RELCH: variants seen among roughly 807,000 people sequenced by gnomAD.
The protein encoded by RELCH is RAB11-binding protein RELCH.
In RELCH, 41 loss-of-function variants were observed where a neutral mutation model predicts 150.3. That is an observed-to-expected ratio of 0.27 (90% CI 0.21 to 0.35). The LOEUF is 0.35. Among genes scored for constraint, RELCH ranks in the 10% least tolerant of loss-of-function variants. RELCH has a pLI of 1.00. For missense variants in RELCH, 1,092 were observed against 1,467.8 expected, an observed-to-expected ratio of 0.74 and a Z score of 4.18; for synonymous variants, 478 against 531.8, an observed-to-expected ratio of 0.90 and a Z score of 1.39.
intron 5 of RELCH, among the ~76,000 whole-genome samples, chr18:62,224,425 G>C (rs1044754175): frequency 6.6e-6 from 1 of 152,024 alleles, no homozygotes; most frequent in South Asian, 2.1e-4. Context: ...TCTAGCTAGT[G>C]CAATAAGGCA....
chr18:62,220,600 T>C (rs916534173), intron 2 of RELCH, among the ~76,000 whole-genome samples: 4 of 152,086 alleles, frequency 2.6e-5, no homozygotes, highest in Non-Finnish European at 5.9e-5. Flanking sequence ...ATCCTAAGTT[T>C]TTCTTTTTAA....
chr18:62,188,771 G>C (rs569636824), intron 1 of RELCH, among the ~76,000 whole-genome samples: 7 of 152,110 alleles, frequency 4.6e-5, no homozygotes, highest in Admixed American at 4.6e-4. Context: ...TAGAGTAATC[G>C]TTTACCCCAT....
Position 62,187,473 on chromosome 18 carries a change from T to C in RELCH, c.-33T>C. On this transcript the variant is annotated 5_prime_UTR_variant, in exon 1 of 29. Coordinates refer to ENST00000644646, the MANE Select transcript of RELCH (RefSeq NM_001346231.2). The stretch of plus-strand genomic sequence containing the variant: ...TCGGGCTGCGGCCCGTCGGAACCAG[T>C]CAGGGAGGCGCCCACACTCCTGACA... 6.7e-7 allele frequency: 1 copy of C among 1,494,062 alleles called. No individual in the cohort carries two copies. The highest frequency in any genetic ancestry group is 1.4e-5 in the South Asian group (1 of 69,902). The allele number at this position is 1,494,062 out of a possible 1,614,324, so 92.6% of individuals were successfully genotyped here.
intron 1 of RELCH, among the ~76,000 whole-genome samples, chr18:62,189,849 T>A (rs2038490320): frequency 1.3e-5 from 2 of 152,310 alleles, no homozygotes; most frequent in South Asian, 4.1e-4. Context: ...ATAACTAGAG[T>A]CTTATGATCA....
chr18:62,197,316 T>C (rs2039115599), intron 1 of RELCH, among the ~76,000 whole-genome samples: 1 of 152,226 alleles, frequency 6.6e-6, no homozygotes. Context: ...AATTATGCTT[T>C]CTACTTTTCA....
In RELCH at chr18:62,297,475, TA is replaced by T. The variant is rs199533473; in HGVS notation, c.3460-1306del. ...GGAAACAGAGACAATGCAAGGAGGA[TA>T]AAAAAAAATACAAAAAATTCCCCTT... On this transcript the variant is annotated intron_variant, in intron 27 of 28. Transcript: ENST00000644646. Among the ~76,000 whole-genome samples the T allele has an allele frequency of 8.7e-4, 131 of 149,782 alleles. 1 individual carries two copies. The highest frequency in any genetic ancestry group is 2.6e-3 in the African/African-American group (108 of 40,824).
At chr18:62,219,323 T>C (rs2040687796) in intron 2 of RELCH, among the ~76,000 whole-genome samples, 2 of 111,010 alleles carry the variant, frequency 1.8e-5, no homozygotes, top group South Asian at 7.4e-4. Context: ...TTTTCTTTTT[T>C]TCTTTTTTTT....
At chr18:62,193,809 G>T (rs1465340617) in intron 1 of RELCH, among the ~76,000 whole-genome samples, 1 of 152,060 alleles carries the variant, frequency 6.6e-6, no homozygotes, top group Non-Finnish European at 1.5e-5. Context: ...ATCAGGGATA[G>T]TATTTTGCCC....
At chr18:62,197,244 A>G (rs1211348187) in intron 1 of RELCH, among the ~76,000 whole-genome samples, 2 of 152,186 alleles carry the variant, frequency 1.3e-5, no homozygotes, top group African/African-American at 4.8e-5. Context: ...GTGGTACTCT[A>G]CAAGGAAGCA....
At position 62,290,462 on chromosome 18, in the gene RELCH, C is replaced by T. The variant is rs532564956; in HGVS notation, c.3371-1081C>T. Among the ~76,000 whole-genome samples, 329 of 152,126 alleles carry T rather than the reference C, an allele frequency of 2.2e-3. 1 individual carries two copies. Among genetic ancestry groups the T allele is most frequent in the Middle Eastern group, 3.4e-3 (1 of 294 alleles). On this transcript the variant is annotated intron_variant, in intron 26 of 28. Coordinates refer to ENST00000644646, the MANE Select transcript of RELCH (RefSeq NM_001346231.2). ...AGGAGAATCACTTGAACCCAGGAGG[C>T]GGAGGTTGCAGTGAGCCAAGATTGT...
intron 16 of RELCH, among the ~76,000 whole-genome samples, chr18:62,263,026 T>C (rs532514659): frequency 1.3e-5 from 2 of 152,160 alleles, no homozygotes; most frequent in Admixed American, 6.6e-5. Context: ...TGGCACACTT[T>C]CTGTGTGCTT....
At chr18:62,285,309 C>T (rs9948980) in intron 25 of RELCH, 30,286 of 152,008 alleles carry the variant, frequency 0.2, 3,509 homozygotes, top group African/African-American at 0.33. Context: ...GGCTAATTTT[C>T]TGCGAAATAC....
rs1436662041 is a variant in RELCH at position 62,307,400 on chromosome 18, TGTATTTTTA to T, written c.*1867_*1875del. 21 of 152,266 alleles carry T rather than the reference TGTATTTTTA, an allele frequency of 1.4e-4. No individual in the cohort carries two copies. In the South Asian group the frequency reaches 2.3e-3, roughly 16 times the overall value. The allele number at this position is 152,266 out of a possible 1,614,324, so 9.4% of individuals were successfully genotyped here. On this transcript the variant is annotated 3_prime_UTR_variant, in exon 29 of 29. Transcript: ENST00000644646. ...TTTGTTATCAGGTGAATGGGTAGAA[TGTATTTTTA>T]TTGTGAACATTTTTCTTAATTAATG...
intron 23 of RELCH, 65 bp downstream of exon 23, chr18:62,279,921 C>A: frequency 1.0e-6 from 1 of 967,558 alleles, no homozygotes; most frequent in Non-Finnish European, 1.6e-6. Context: ...AAGAAATAAC[C>A]ATCAGCTCTT....
chr18:62,214,887 C>G (rs1599861716), intron 2 of RELCH, among the ~76,000 whole-genome samples: 1 of 152,228 alleles, frequency 6.6e-6, no homozygotes, highest in East Asian at 1.9e-4. Flanking sequence ...CAAAACTACT[C>G]TACCCCCCTA....
In RELCH at chr18:62,297,720, C is replaced by T. The variant is rs73462492; in HGVS notation, c.3460-1070C>T. ...CTCTCTTCTAGTACATCTAAGACTTCATCTTCTATCCTGTCTCCCTTGCTC... is the reference window on the plus strand; with the variant it reads ...CTCTCTTCTAGTACATCTAAGACTTTATCTTCTATCCTGTCTCCCTTGCTC... On this transcript the variant is annotated intron_variant, in intron 27 of 28. Transcript: ENST00000644646. Among the ~76,000 whole-genome samples the T allele has an allele frequency of 1.6e-3, 251 of 152,284 alleles. 1 individual carries two copies. Among genetic ancestry groups the T allele is most frequent in the African/African-American group, 4.7e-3 (197 of 41,568 alleles).
At chr18:62,219,331 T>G (rs576587873) in intron 2 of RELCH, among the ~76,000 whole-genome samples, 2 of 147,812 alleles carry the variant, frequency 1.4e-5, no homozygotes, top group African/African-American at 4.9e-5. Flanking sequence ...TTTTCTTTTT[T>G]TTTTTTTTTT....
In RELCH at chr18:62,211,155, C is replaced by G. The variant is rs779804829; in HGVS notation, c.529C>G (p.Arg177Gly). ...TTTTATATTTCTCTTTATTATAGATCGAGCTGGGAGCATTAGTACCCTTGA... is the reference window on the plus strand; with the variant it reads ...TTTTATATTTCTCTTTATTATAGATGGAGCTGGGAGCATTAGTACCCTTGA... ...STASGGGQLN[R>G]AGSISTLDSL... The change falls in exon 2 of 29, where the codon CGA becomes GGA. Residue 177 changes from arginine to glycine, a missense_variant and splice_region_variant. Physicochemically the swap from Arg to Gly is moderately radical, Grantham distance 125. This residue lies in a region of RELCH where 190 missense variants were observed against 276.2 expected (regional missense o/e 0.69). Coordinates refer to ENST00000644646, the MANE Select transcript of RELCH (RefSeq NM_001346231.2). The G allele has an allele frequency of 4.5e-6, 7 of 1,556,414 alleles. No homozygotes were observed. The East Asian group carries it at 1.4e-4, about 30-fold the overall frequency.
At chr18:62,270,468 C>G (rs981486841) in intron 20 of RELCH, among the ~76,000 whole-genome samples, 3 of 152,024 alleles carry the variant, frequency 2.0e-5, no homozygotes, top group African/African-American at 7.2e-5. Flanking sequence ...GGCAGTCCCA[C>G]CAGTAAGGTG....
Sources: allele counts gnomAD v4.1 joint callset (sites outside exome capture counted in the v4.1 genomes callset), GRCh38; gene constraint gnomAD v4.1.1; regional missense constraint gnomAD v4.1.1; transcripts MANE v1.5; gene names NCBI Gene and HGNC (gene_info 2026-07-23, HGNC 2026-07-21).